DGKZ: variants seen among roughly 807,000 people sequenced by gnomAD.
DGKZ encodes diacylglycerol kinase zeta.
In DGKZ, 45 loss-of-function variants were observed where a neutral mutation model predicts 142.5. That is an observed-to-expected ratio of 0.32 (90% CI 0.25 to 0.40). DGKZ has a LOEUF of 0.40. DGKZ is among the 10% of genes least tolerant of loss of function. The pLI, the probability that DGKZ is intolerant of heterozygous loss-of-function variation, is 1.00. For missense variants in DGKZ, 755 were observed against 1,306.5 expected (o/e 0.58, Z 6.51); for synonymous variants, 442 against 527.0 (o/e 0.84, Z 2.21).
At position 46,379,107 on chromosome 11, in the gene DGKZ, C is replaced by T. The variant is rs1265252331; in HGVS notation, c.2535C>T (p.Asp845=). The T allele has an allele frequency of 1.9e-6, 3 of 1,607,858 alleles. No homozygotes were observed. In the Admixed American group the frequency reaches 5.0e-5, roughly 27 times the overall value. ...AGGATGTGGTCCGCTACCTGCTGGA[C>T]CACGGTGAGCCGGGCAGTGGAGCCC... is the stretch of plus-strand genomic sequence containing the variant. The change falls in exon 28 of 31, where the codon GAC becomes GAT. Residue 845 remains aspartate (D), a synonymous_variant. Transcript: ENST00000527911.
intron 1 of DGKZ, among the ~76,000 whole-genome samples, chr11:46,352,639 C>A (rs1941550315): frequency 6.6e-6 from 1 of 152,244 alleles, no homozygotes; most frequent in Non-Finnish European, 1.5e-5. Flanking sequence ...CTGACCACCT[C>A]TCCTCCCTGC....
chr11:46,337,006 G>T lies in DGKZ; in HGVS notation c.212+3519G>T, dbSNP rs377335171. ...ACTGCACTCGAGGCTGGGAGATAGAGTGAGATCCTGTCTCTAAAAAAAGTG... is the reference window on the plus strand; with the variant it reads ...ACTGCACTCGAGGCTGGGAGATAGATTGAGATCCTGTCTCTAAAAAAAGTG... On this transcript the variant is annotated intron_variant, in intron 1 of 30. Transcript: ENST00000343674. Among the ~76,000 whole-genome samples, 74 of 152,256 alleles carry T rather than the reference G, an allele frequency of 4.9e-4. 1 individual carries two copies. The South Asian group carries it at 0.015, about 30-fold the overall frequency.
rs773650287 is a variant in DGKZ at position 46,371,784 on chromosome 11, C to T, written c.831+9C>T. ...GCAAGAAAGGGCCTGAGGTCAGCCC[C>T]AGGCTGGGCAGAGGCTGCAGGGGAG... On this transcript the variant is annotated intron_variant, in intron 9 of 30. Coordinates refer to ENST00000527911, the Ensembl canonical transcript of DGKZ. 5 of 1,611,930 alleles carry T rather than the reference C, an allele frequency of 3.1e-6. No individual in the cohort carries two copies. The East Asian group carries it at 6.7e-5, about 22-fold the overall frequency.
upstream of DGKZ, among the ~76,000 whole-genome samples, chr11:46,345,930 T>C (rs1940568760): frequency 6.6e-6 from 1 of 152,152 alleles, no homozygotes; most frequent in South Asian, 2.1e-4. This position sits in a 1 kb window ranked among gnomAD's most constrained non-coding sequence, Gnocchi z 4.1. Context: ...CTCTGATCTC[T>C]TCTCTCAGAG....
Position 46,372,935 on chromosome 11 carries a change from G to A in DGKZ, c.1186-26G>A, listed in dbSNP as rs1281765507. On this transcript the variant is annotated intron_variant, in intron 13 of 30. Coordinates refer to ENST00000527911, the Ensembl canonical transcript of DGKZ. The surrounding 1 kb of genome is among the most constrained non-coding windows in gnomAD (Gnocchi z 5.9). ...AGCTGGGGCCTCTCCAGCCACAGAG[G>A]GCTCAGTCCCTGCCTGCTCCCCCAG... The A allele has an allele frequency of 1.2e-5, 19 of 1,553,814 alleles. No individual in the cohort carries two copies. The highest frequency in any genetic ancestry group is 1.5e-5 in the Non-Finnish European group (17 of 1,148,308).
rs751962907 is a variant in DGKZ, at chr11:46,375,003, C to T, written c.1668C>T (p.Asp556=). The change falls in exon 19 of 31, where the codon GAC becomes GAT. Residue 556 remains aspartate (D), a synonymous_variant. Transcript: ENST00000527911. ...ACGACTTTGAGCCCCAGCGGCATGA[C>T]GACGGCTACCTCGAGGTCATTGGCT... 1.7e-5 allele frequency: 27 copies of T among 1,611,228 alleles called. No homozygotes were observed. Among genetic ancestry groups the T allele is most frequent in the South Asian group, 3.3e-5 (3 of 90,920 alleles).
At chr11:46,361,757 T>G in intron 1 of DGKZ, 2 of 793,656 alleles carry the variant, frequency 2.5e-6, no homozygotes, top group Non-Finnish European at 3.1e-6. Context: ...TCCCTCTGTA[T>G]CTGGCTGGGT....
chr11:46,366,608 G>T, intron 1 of DGKZ: 1 of 1,607,814 alleles, frequency 6.2e-7, no homozygotes. Context: ...GGGCATGAAT[G>T]AGGAGGAGGG....
chr11:46,374,100 G>A, intron 14 of DGKZ, 57 bp from the exon 15 acceptor site: 4 of 1,588,954 alleles, frequency 2.5e-6, no homozygotes, highest in Non-Finnish European at 3.5e-6. Flanking sequence ...CGAGGCCCCT[G>A]GAGCGGGGAC....
At chr11:46,361,118 T>C (rs997765738) in intron 1 of DGKZ, among the ~76,000 whole-genome samples, 1 of 152,220 alleles carries the variant, frequency 6.6e-6, no homozygotes, top group East Asian at 1.9e-4. Context: ...GAAAAGTACT[T>C]TGTAAGTTGT....
chr11:46,368,153 A>G (rs1198863953), intron 4 of DGKZ, 74 bp downstream of exon 4: 19 of 1,495,592 alleles, frequency 1.3e-5, no homozygotes, highest in Non-Finnish European at 1.7e-5. Flanking sequence ...ACTCACACCC[A>G]CATGTTATAC....
chr11:46,347,363 C>T (rs1172021462), upstream of DGKZ: 1 of 984,336 alleles, frequency 1.0e-6, no homozygotes. This position sits in a 1 kb window ranked among gnomAD's most constrained non-coding sequence, Gnocchi z 6.4. Context: ...CGGCAGAGGG[C>T]GCTGCGGGCC....
Position 46,367,525 on chromosome 11 carries a change from C to CA in DGKZ, c.270+126_271-126insA, listed in dbSNP as rs1943449669. On this transcript the variant is annotated intron_variant, in intron 2 of 30. Transcript: ENST00000527911. The surrounding 1 kb of genome is among the most constrained non-coding windows in gnomAD (Gnocchi z 4.1). Reference sequence around the variant, plus strand: ...GGAAGGGTTGGGACAGTGGGGCAGACGGAACAGAGCAGGGTCGATCGGGGC... The same window carrying CA: ...GGAAGGGTTGGGACAGTGGGGCAGACAGGAACAGAGCAGGGTCGATCGGGGC... The CA allele has an allele frequency of 7.8e-7, 1 of 1,276,830 alleles. No homozygotes were observed. The highest frequency in any genetic ancestry group is 1.6e-5 in the African/African-American group (1 of 62,020). The allele number at this position is 1,276,830 out of a possible 1,614,324, so 79.1% of individuals were successfully genotyped here. A position where few individuals can be genotyped will look rare whatever the true frequency, so the allele number is the denominator to read the frequency against.
At chr11:46,340,045 G>A (rs368971573) in intron 1 of DGKZ, among the ~76,000 whole-genome samples, 6 of 152,224 alleles carry the variant, frequency 3.9e-5, no homozygotes, top group African/African-American at 1.2e-4. Context: ...CCACTGGGCC[G>A]CAGCTTACAA....
intron 1 of DGKZ, chr11:46,365,746 C>G: frequency 1.0e-6 from 1 of 985,412 alleles, no homozygotes; most frequent in Non-Finnish European, 1.2e-6. Context: ...CTAACCTGCC[C>G]CCACCATGTT....
Position 46,367,544 on chromosome 11 carries a change from TC to T in DGKZ, c.271-107del. The stretch of plus-strand genomic sequence containing the variant: ...GGCAGACGGAACAGAGCAGGGTCGA[TC>T]GGGGCGCTGGAGTGGGTTTGTCTTG... On this transcript the variant is annotated intron_variant, in intron 2 of 30. Transcript: ENST00000527911. The surrounding 1 kb of genome is among the most constrained non-coding windows in gnomAD (Gnocchi z 4.1). The T allele has an allele frequency of 5.8e-6, 5 of 855,100 alleles. No homozygotes were observed. Among genetic ancestry groups the T allele is most frequent in the East Asian group, 8.9e-5 (1 of 11,258 alleles). The allele number at this position is 855,100 out of a possible 1,614,324, so 53.0% of individuals were successfully genotyped here.
chr11:46,366,535 T>G (rs986201643), intron 1 of DGKZ: 1 of 1,598,140 alleles, frequency 6.3e-7, no homozygotes, highest in African/African-American at 1.3e-5. Context: ...AGGTGCTCAC[T>G]CCACAGCCTA....
intron 1 of DGKZ, among the ~76,000 whole-genome samples, chr11:46,359,770 ATTTTTTT>A (rs779825781): frequency 1.5e-4 from 19 of 129,016 alleles, no homozygotes; most frequent in African/African-American, 5.7e-4. Flanking sequence ...TGCCCGGCTA[ATTTTTTT>A]TTTTTTTTTT....
In DGKZ at chr11:46,367,049, G is replaced by T. The variant is rs1021717959; in HGVS notation, c.162-242G>T. ...TCCTGTGGGTCTGGCCTGGGCATGG[G>T]CCTTGAAGCTCTGCCTGGCTGAGGG... On this transcript the variant is annotated intron_variant, in intron 1 of 30. Transcript: ENST00000527911. The surrounding 1 kb of genome is among the most constrained non-coding windows in gnomAD (Gnocchi z 4.1). The T allele has an allele frequency of 1.2e-5, 17 of 1,464,398 alleles. No homozygotes were observed. In the East Asian group the frequency reaches 2.7e-4, roughly 23 times the overall value. 90.7% of individuals were successfully genotyped at this position (1,464,398 alleles called of 1,614,324 possible).
Sources: allele counts gnomAD v4.1 joint callset (sites outside exome capture counted in the v4.1 genomes callset), GRCh38; gene constraint gnomAD v4.1.1; non-coding constraint Gnocchi (gnomAD v3.1); transcripts MANE v1.5; gene names NCBI Gene and HGNC (gene_info 2026-07-23, HGNC 2026-07-21).